Variants in TMEM131 observed in about 807,000 individuals in gnomAD.
The protein encoded by TMEM131 is transmembrane protein 131, also known as 2610524E03Rik.
In TMEM131, 66 loss-of-function variants were observed where a neutral mutation model predicts 211.6. The ratio of observed to expected loss-of-function variants is 0.31; its 90% CI spans 0.26 to 0.38. The LOEUF (loss-of-function observed/expected upper bound fraction) is 0.38, where lower values mean the gene tolerates loss of function less well. Among genes scored for constraint, TMEM131 ranks in the 10% least tolerant of loss-of-function variants. TMEM131 has a pLI of 1.00. For missense variants in TMEM131, 2,036 were observed against 2,299.3 expected, an observed-to-expected ratio of 0.89 and a Z score of 2.34; for synonymous variants, 844 against 841.3, an observed-to-expected ratio of 1.00 and a Z score of -0.06.
chr2:97,850,725 T>C (rs1438579848), intron 5 of TMEM131, among the ~76,000 whole-genome samples: 2 of 152,078 alleles, frequency 1.3e-5, no homozygotes, highest in Non-Finnish European at 2.9e-5. Flanking sequence ...AAATCTAAAA[T>C]GTTCTCTAAA....
At chr2:97,851,013 A>G (rs922382463) in intron 5 of TMEM131, among the ~76,000 whole-genome samples, 21 of 151,400 alleles carry the variant, frequency 1.4e-4, no homozygotes, top group Non-Finnish European at 2.7e-4. Flanking sequence ...GACATCTAGT[A>G]TGTAGATGAT....
rs575435385 is a variant in TMEM131, at chr2:97,926,393, A to G, written c.249+1033T>C. Among the ~76,000 whole-genome samples, 4 of 152,344 alleles carry G rather than the reference A, an allele frequency of 2.6e-5. No individual in the cohort carries two copies. In the South Asian group the frequency reaches 6.2e-4, roughly 24 times the overall value. On this transcript the variant is annotated intron_variant, in intron 2 of 40. Coordinates refer to ENST00000186436, the MANE Select transcript of TMEM131 (RefSeq NM_015348.2). ...ATTGGTAAATTACAGTCAGAAAAAG[A>G]TAACATTATGTCAAAATAAAAATTG...
chr2:97,778,689 G>C (rs1559353487), intron 31 of TMEM131, among the ~76,000 whole-genome samples: 1 of 152,154 alleles, frequency 6.6e-6, no homozygotes, highest in Non-Finnish European at 1.5e-5. Context: ...AGGCTGACAA[G>C]AATCTCTAAC....
At chr2:97,882,990 C>T (rs1475444297) in intron 4 of TMEM131, among the ~76,000 whole-genome samples, 3 of 152,242 alleles carry the variant, frequency 2.0e-5, no homozygotes, top group East Asian at 3.9e-4. Flanking sequence ...AATCTGAGAT[C>T]GGGGTGTCGG....
intron 11 of TMEM131, among the ~76,000 whole-genome samples, chr2:97,820,792 G>T (rs1682078156): frequency 6.6e-6 from 1 of 151,826 alleles, no homozygotes; most frequent in African/African-American, 2.4e-5. Context: ...GGAGGCGGAG[G>T]TTGTAGTGAG....
chr2:97,980,601 T>A (rs1225684951), intron 1 of TMEM131, among the ~76,000 whole-genome samples: 1 of 152,166 alleles, frequency 6.6e-6, no homozygotes, highest in Non-Finnish European at 1.5e-5. Flanking sequence ...TACATGTGCA[T>A]ACAAAGACTT....
chr2:97,760,691 T>A lies in TMEM131; in HGVS notation c.5012-2A>T, dbSNP rs1559340658. The A allele has an allele frequency of 6.2e-7, 1 of 1,613,994 alleles. No homozygotes were observed. Among genetic ancestry groups the A allele is most frequent in the Non-Finnish European group, 8.5e-7 (1 of 1,179,878 alleles). ...AAACTTTAGCAAAGCCATTCCCACC[T>A]GTAACAATGGACGTTCAATCAATGG... On this transcript the variant is annotated splice_acceptor_variant, in intron 37 of 40. Transcript: ENST00000186436. LOFTEE classifies it high-confidence loss of function.
chr2:97,837,551 C>G (rs905477390), intron 7 of TMEM131, among the ~76,000 whole-genome samples: 1 of 152,114 alleles, frequency 6.6e-6, no homozygotes, highest in African/African-American at 2.4e-5. Flanking sequence ...ACATTTATAA[C>G]AAGAGCCAGC....
intron 3 of TMEM131, among the ~76,000 whole-genome samples, chr2:97,892,029 T>C (rs1307221615): frequency 6.6e-6 from 1 of 152,184 alleles, no homozygotes; most frequent in Non-Finnish European, 1.5e-5. Flanking sequence ...TGATTTTTAT[T>C]AAAGAGCCAG....
Position 97,834,583 on chromosome 2 carries a change from A to AC in TMEM131, c.1012+37_1012+38insG, listed in dbSNP as rs1258638471. 3.4e-6 allele frequency: 5 copies of AC among 1,480,388 alleles called. No homozygotes were observed. In the African/African-American group the frequency reaches 5.7e-5, roughly 17 times the overall value. 91.7% of individuals were successfully genotyped at this position (1,480,388 alleles called of 1,614,324 possible). A position where few individuals can be genotyped will look rare whatever the true frequency, so the allele number is the denominator to read the frequency against. On this transcript the variant is annotated intron_variant, in intron 10 of 40. Coordinates refer to ENST00000186436, the MANE Select transcript of TMEM131 (RefSeq NM_015348.2). Reference sequence around the variant, plus strand: ...ACTGAATACAGGGGTTAAAAAAAAAAAAAACTCCATAAAGACTCTTTTAAA... The same window carrying AC: ...ACTGAATACAGGGGTTAAAAAAAAAACAAAACTCCATAAAGACTCTTTTAAA...
At chr2:97,777,373 G>A (rs761769717) in intron 31 of TMEM131, among the ~76,000 whole-genome samples, 2 of 152,232 alleles carry the variant, frequency 1.3e-5, no homozygotes, top group African/African-American at 2.4e-5. Context: ...TGGGAGACTC[G>A]AACCTCAGTG....
chr2:97,984,144 T>G (rs1475620019), intron 1 of TMEM131, among the ~76,000 whole-genome samples: 1 of 152,200 alleles, frequency 6.6e-6, no homozygotes, highest in African/African-American at 2.4e-5. Flanking sequence ...TTCTATTCTA[T>G]TCCATTAATT....
At chr2:97,980,051 G>A (rs1044509051) in intron 1 of TMEM131, among the ~76,000 whole-genome samples, 1 of 152,154 alleles carries the variant, frequency 6.6e-6, no homozygotes, top group African/African-American at 2.4e-5. Flanking sequence ...AGAAGTGGGG[G>A]AACAGCCAGT....
chr2:97,782,654 A>G (rs1396100821), intron 31 of TMEM131, among the ~76,000 whole-genome samples: 1 of 152,238 alleles, frequency 6.6e-6, no homozygotes, highest in Non-Finnish European at 1.5e-5. Flanking sequence ...AAGCTAAAGA[A>G]GAACAAAATG....
intron 35 of TMEM131, chr2:97,764,657 G>A (rs1040415372): frequency 3.3e-5 from 5 of 152,312 alleles, no homozygotes; most frequent in South Asian, 2.1e-4. Flanking sequence ...TGAGGCATGC[G>A]GCACTGGGCC....
chr2:97,953,230 C>G (rs1314413188), intron 1 of TMEM131, among the ~76,000 whole-genome samples: 1 of 152,138 alleles, frequency 6.6e-6, no homozygotes, highest in Non-Finnish European at 1.5e-5. Flanking sequence ...CAGAAAAGTG[C>G]ATTTTAAAAA....
At chr2:97,881,796 G>A (rs1410735241) in intron 4 of TMEM131, among the ~76,000 whole-genome samples, 1 of 150,936 alleles carries the variant, frequency 6.6e-6, no homozygotes, top group East Asian at 1.9e-4. Flanking sequence ...CTGTATTACA[G>A]TATTCTAATC....
At chr2:97,859,169 AG>A in intron 5 of TMEM131, 134 bp downstream of exon 5, 1 of 923,866 alleles carries the variant, frequency 1.1e-6, no homozygotes, top group Non-Finnish European at 1.6e-6. Flanking sequence ...AATCATTCTT[AG>A]GAAGTGAAAC....
At chr2:97,850,942 T>G (rs1389981278) in intron 5 of TMEM131, among the ~76,000 whole-genome samples, 1 of 151,816 alleles carries the variant, frequency 6.6e-6, no homozygotes, top group Non-Finnish European at 1.5e-5. Context: ...CTCCAAAGAG[T>G]TAGAAAAATC....
Sources: gnomAD v4.1 joint callset for allele counts (sites outside exome capture counted in the v4.1 genomes callset) on GRCh38, gnomAD v4.1.1 for gene constraint, MANE v1.5 for transcripts, NCBI Gene and HGNC (gene_info 2026-07-23, HGNC 2026-07-21) for gene names.